CADPS2: variants seen among roughly 807,000 people sequenced by gnomAD.
CADPS2 encodes calcium-dependent secretion activator 2.
A neutral mutation model predicts 172.5 loss-of-function variants in CADPS2; 93 were observed. The observed-to-expected ratio is 0.54, with a 90% CI of 0.46 to 0.64. The LOEUF is 0.64. Ranked by LOEUF, CADPS2 falls within the 30% of genes least tolerant of loss-of-function variation. CADPS2 has a pLI of 0.00. For synonymous variants in CADPS2, 546 were observed against 555.2 expected (o/e 0.98, Z 0.23); for missense variants, 1,420 against 1,565.9 (o/e 0.91, Z 1.57).
chr7:122,452,475 A>G (rs1387686053), intron 14 of CADPS2, among the ~76,000 whole-genome samples: 1 of 152,206 alleles, frequency 6.6e-6, no homozygotes, highest in African/African-American at 2.4e-5. Flanking sequence ...GGCTCAGTGC[A>G]ACCTCCGCCT....
chr7:122,386,376 G>T (rs2043674437), intron 24 of CADPS2: 4 of 998,480 alleles, frequency 4.0e-6, no homozygotes, highest in Admixed American at 6.8e-5. Flanking sequence ...ATAAAGAAAT[G>T]AAGAAAAAGT....
chr7:122,560,884 GTATT>G (rs1476143353), intron 7 of CADPS2, among the ~76,000 whole-genome samples: 2 of 152,190 alleles, frequency 1.3e-5, no homozygotes, highest in South Asian at 2.1e-4. Flanking sequence ...TTTCACTTCA[GTATT>G]TATTTAGCAG....
intron 27 of CADPS2, among the ~76,000 whole-genome samples, chr7:122,353,143 C>T (rs1037673001): frequency 6.6e-6 from 1 of 152,210 alleles, no homozygotes; most frequent in South Asian, 2.1e-4. Context: ...AATGGCAATA[C>T]TTTTAAATAC....
At chr7:122,520,850 T>C (rs1428939551) in intron 8 of CADPS2, among the ~76,000 whole-genome samples, 1 of 152,110 alleles carries the variant, frequency 6.6e-6, no homozygotes, top group Admixed American at 6.6e-5. Context: ...GCTGTGAGAG[T>C]TCATGGTTTT....
chr7:122,884,714 T>C (rs1309614991), intron 1 of CADPS2, among the ~76,000 whole-genome samples: 1 of 152,228 alleles, frequency 6.6e-6, no homozygotes, highest in Non-Finnish European at 1.5e-5. Context: ...ATCTTAAGCA[T>C]ACAATAGTGT....
intron 8 of CADPS2, among the ~76,000 whole-genome samples, chr7:122,541,730 T>C (rs951028920): frequency 6.9e-6 from 1 of 144,944 alleles, no homozygotes; most frequent in Non-Finnish European, 1.5e-5. Context: ...TATTCATATA[T>C]ATTTATTCAT....
At chr7:122,705,958 A>AATATATAATATAT (rs2087270151) in intron 2 of CADPS2, among the ~76,000 whole-genome samples, 1 of 20,980 alleles carries the variant, frequency 4.8e-5, no homozygotes, top group Non-Finnish European at 7.2e-5. Flanking sequence ...TATATAATAT[A>AATATATAATATAT]TATATAATAT....
chr7:122,581,094 A>G (rs1488765702), intron 7 of CADPS2, 85 bp downstream of exon 7: 6 of 903,204 alleles, frequency 6.6e-6, no homozygotes, highest in Non-Finnish European at 1.1e-5. Flanking sequence ...TAAAGTTCAC[A>G]TATGGCATAC....
rs2040493679 is a variant in CADPS2, at chr7:122,363,789, CT to C, written c.3388-2777del. Among the ~76,000 whole-genome samples the C allele has an allele frequency of 2.6e-5, 4 of 152,124 alleles. No homozygotes were observed. In the East Asian group the frequency reaches 7.7e-4, roughly 29 times the overall value. On this transcript the variant is annotated intron_variant, in intron 25 of 29. Coordinates refer to ENST00000449022, the MANE Select transcript of CADPS2 (RefSeq NM_017954.11). ...TCCATATGATTAGCAAAATCACTAT[CT>C]GTGTCTAAAAACCTGAATACATTAA...
At chr7:122,868,462 C>T (rs904481572) in intron 1 of CADPS2, among the ~76,000 whole-genome samples, 1 of 152,142 alleles carries the variant, frequency 6.6e-6, no homozygotes, top group Admixed American at 6.6e-5. Flanking sequence ...GCTGTCTTCT[C>T]TCACCTCTCT....
intron 8 of CADPS2, among the ~76,000 whole-genome samples, chr7:122,551,706 G>T (rs1422789867): frequency 6.6e-5 from 10 of 152,082 alleles, no homozygotes; most frequent in Admixed American, 2.6e-4. Context: ...ATATTTTAAA[G>T]ATAAATTAAT....
At chr7:122,826,455 G>T (rs1413782243) in intron 1 of CADPS2, among the ~76,000 whole-genome samples, 1 of 152,030 alleles carries the variant, frequency 6.6e-6, no homozygotes, top group Admixed American at 6.6e-5. Context: ...CAAACTAAAT[G>T]AAAAGAGATA....
intron 8 of CADPS2, among the ~76,000 whole-genome samples, chr7:122,535,348 C>T (rs1000544387): frequency 6.6e-6 from 1 of 151,982 alleles, no homozygotes; most frequent in Admixed American, 6.6e-5. Flanking sequence ...ATACCTATCA[C>T]ATAGTGTTGT....
chr7:122,427,405 A>G (rs548497840), intron 17 of CADPS2: 29 of 152,320 alleles, frequency 1.9e-4, no homozygotes, highest in African/African-American at 7.0e-4. Context: ...AAGAAGTGAG[A>G]AAGTAAAAAT....
intron 7 of CADPS2, among the ~76,000 whole-genome samples, chr7:122,577,452 C>T (rs965419175): frequency 6.6e-6 from 1 of 151,602 alleles, no homozygotes; most frequent in African/African-American, 2.4e-5. Context: ...TTGACTTCTT[C>T]CATTTGCATT....
intron 1 of CADPS2, among the ~76,000 whole-genome samples, chr7:122,862,486 C>T (rs1053747975): frequency 6.6e-6 from 1 of 152,194 alleles, no homozygotes; most frequent in African/African-American, 2.4e-5. Context: ...AAAACCACAG[C>T]TTCCATCAGA....
At chr7:122,328,172 C>T (rs1031872634) in intron 28 of CADPS2, among the ~76,000 whole-genome samples, 3 of 151,638 alleles carry the variant, frequency 2.0e-5, no homozygotes, top group Admixed American at 6.6e-5. Context: ...CACGCACACA[C>T]CTTAAACAAA....
At chr7:122,557,256 T>G (rs988915823) in intron 7 of CADPS2, among the ~76,000 whole-genome samples, 1 of 152,122 alleles carries the variant, frequency 6.6e-6, no homozygotes, top group Admixed American at 6.6e-5. Context: ...CATGAATGAA[T>G]AGATAAGGAA....
intron 17 of CADPS2, among the ~76,000 whole-genome samples, chr7:122,421,847 T>C (rs2048565437): frequency 6.6e-6 from 1 of 152,210 alleles, no homozygotes; most frequent in East Asian, 1.9e-4. Context: ...AATTGCTGTG[T>C]ATATCATATG....
Sources: gnomAD v4.1 joint callset for allele counts (sites outside exome capture counted in the v4.1 genomes callset) on GRCh38, gnomAD v4.1.1 for gene constraint, MANE v1.5 for transcripts, NCBI Gene and HGNC (gene_info 2026-07-23, HGNC 2026-07-21) for gene names.